Variants in SCGB2B2 observed in about 807,000 individuals in gnomAD.
SCGB2B2 encodes the protein secretoglobin family 2B member 2.
A neutral mutation model predicts 7.6 loss-of-function variants in SCGB2B2; 11 were observed. That is an observed-to-expected ratio of 1.45 (90% CI 0.91 to 2.40). SCGB2B2 has a LOEUF of 2.40. Ranked by LOEUF, SCGB2B2 falls within the 30% of genes most tolerant of loss-of-function variation. The pLI is 0.00. For synonymous variants in SCGB2B2, 50 were observed against 48.6 expected, an observed-to-expected ratio of 1.03 and a Z score of -0.12; for missense variants, 104 against 115.4, an observed-to-expected ratio of 0.90 and a Z score of 0.45.
chr19:34,607,306 T>C (rs561758787), intron 1 of SCGB2B2, among the ~76,000 whole-genome samples: 2 of 152,200 alleles, frequency 1.3e-5, no homozygotes, highest in South Asian at 4.1e-4. Context: ...GACAGACAGA[T>C]AGATAGCTTT....
chr19:34,607,225 C>T (rs892000105), intron 1 of SCGB2B2, among the ~76,000 whole-genome samples: 1 of 152,194 alleles, frequency 6.6e-6, no homozygotes. Context: ...CAGGATTTCT[C>T]TCTTTTTTAA....
chr19:34,601,524 T>G (rs1461846053), intron 1 of SCGB2B2, among the ~76,000 whole-genome samples: 2 of 152,242 alleles, frequency 1.3e-5, no homozygotes, highest in Non-Finnish European at 2.9e-5. Context: ...TTTTTACCTA[T>G]GTATCTCTGT....
chr19:34,611,207 TTTC>T (rs35056761), intron 1 of SCGB2B2, among the ~76,000 whole-genome samples: 47,737 of 151,872 alleles, frequency 0.31, 8,301 homozygotes, highest in Middle Eastern at 0.47. Context: ...TTGTGCCTTT[TTTC>T]TTGTTTCATA....
intron 1 of SCGB2B2, chr19:34,608,751 T>TAGTGCTGCAATAAATGAG (rs988807093): frequency 1.3e-5 from 2 of 148,594 alleles, no homozygotes; most frequent in Non-Finnish European, 3.0e-5. Flanking sequence ...TGGCTGTGAA[T>TAGTGCTGCAATAAATGAG]AGTGCTGCAA....
At chr19:34,672,299 C>T (rs1199192983) in intron 1 of SCGB2B2, among the ~76,000 whole-genome samples, 2 of 150,692 alleles carry the variant, frequency 1.3e-5, no homozygotes, top group African/African-American at 4.9e-5. Context: ...ATTGGTTTTA[C>T]TCGTTTTTCT....
intron 1 of SCGB2B2, among the ~76,000 whole-genome samples, chr19:34,645,150 A>G (rs1349057011): frequency 1.3e-5 from 2 of 152,182 alleles, no homozygotes; most frequent in Non-Finnish European, 2.9e-5. Flanking sequence ...AAGGGACAAT[A>G]AACGCACAGG....
Position 34,641,604 on chromosome 19 carries a change from C to T in SCGB2B2, c.-2032+34026G>A, listed in dbSNP as rs573791289. 2.0e-5 allele frequency among the ~76,000 whole-genome samples: 3 copies of T among 152,050 alleles called. No individual in the cohort carries two copies. In the South Asian group the frequency reaches 6.2e-4, roughly 32 times the overall value. On this transcript the variant is annotated intron_variant, in intron 1 of 3. Coordinates refer to ENST00000601241, the MANE Select transcript of SCGB2B2 (RefSeq NM_001025591.4). Reference sequence around the variant, plus strand: ...AAGGTCGTTTGCCAGATGGCTATAACTTCTCTTTATGCTCAAAGATCTTGA... The same window carrying T: ...AAGGTCGTTTGCCAGATGGCTATAATTTCTCTTTATGCTCAAAGATCTTGA...
At chr19:34,668,689 C>T (rs2067710278) in intron 1 of SCGB2B2, among the ~76,000 whole-genome samples, 1 of 151,912 alleles carries the variant, frequency 6.6e-6, no homozygotes, top group Non-Finnish European at 1.5e-5. Context: ...GTGTCTAGCT[C>T]AGGGTTTGTG....
At position 34,592,474 on chromosome 19, in the gene SCGB2B2, T is replaced by C. The variant is rs530437909; in HGVS notation, c.*1081A>G. 6.6e-6 allele frequency among the ~76,000 whole-genome samples: 1 copy of C among 152,054 alleles called. No individual in the cohort carries two copies. Among genetic ancestry groups the C allele is most frequent in the South Asian group, 2.1e-4 (1 of 4,804 alleles). On this transcript the variant is annotated 3_prime_UTR_variant, in exon 4 of 4. Transcript: ENST00000601241. ...GGGACAGGGTTTGGAGGGTGTCATC[T>C]GAGAGACACCTGGGTGGGAGGGAGA...
intron 1 of SCGB2B2, chr19:34,645,693 T>C (rs1600063057): frequency 2.4e-6 from 1 of 424,422 alleles, no homozygotes; most frequent in South Asian, 2.0e-5. Flanking sequence ...TGTGCTCTTC[T>C]GCTGGCTCTA....
chr19:34,652,708 A>C (rs568599210), intron 1 of SCGB2B2, among the ~76,000 whole-genome samples: 1 of 151,502 alleles, frequency 6.6e-6, no homozygotes, highest in East Asian at 1.9e-4. Context: ...AAAAGATACC[A>C]AACGCTGGTG....
intron 1 of SCGB2B2, among the ~76,000 whole-genome samples, chr19:34,613,353 C>A (rs2065987215): frequency 6.6e-6 from 1 of 152,204 alleles, no homozygotes; most frequent in Non-Finnish European, 1.5e-5. Context: ...TCCCCCTTGG[C>A]CTCCCAAAGT....
downstream of SCGB2B2, among the ~76,000 whole-genome samples, chr19:34,588,289 T>G (rs769010702): frequency 1.5e-4 from 23 of 152,346 alleles, no homozygotes; most frequent in Non-Finnish European, 2.2e-4. Flanking sequence ...ACATTTCTGC[T>G]AGGTTTTCAA....
intron 1 of SCGB2B2, among the ~76,000 whole-genome samples, chr19:34,638,726 G>A (rs966860618): frequency 1.3e-5 from 2 of 152,074 alleles, no homozygotes; most frequent in Non-Finnish European, 2.9e-5. Flanking sequence ...AAGGTTTAAT[G>A]CCAAAATATA....
At chr19:34,619,109 A>G (rs2066170925) in intron 1 of SCGB2B2, among the ~76,000 whole-genome samples, 1 of 152,186 alleles carries the variant, frequency 6.6e-6, no homozygotes, top group Non-Finnish European at 1.5e-5. Context: ...TAAATCCATT[A>G]AAGTTTCTAT....
intron 1 of SCGB2B2, among the ~76,000 whole-genome samples, chr19:34,648,731 T>C (rs543865793): frequency 2.6e-5 from 4 of 151,560 alleles, no homozygotes; most frequent in Non-Finnish European, 4.4e-5. Context: ...AGTTTTAATA[T>C]ATTACTCTTT....
intron 1 of SCGB2B2, among the ~76,000 whole-genome samples, chr19:34,619,488 CATGAAGTGTCTCCA>C (rs2066182017): frequency 6.6e-6 from 1 of 152,118 alleles, no homozygotes; most frequent in Non-Finnish European, 1.5e-5. Flanking sequence ...ACCTTGGATG[CATGAAGTGTCTCCA>C]AAGAGATGGC....
intron 1 of SCGB2B2, among the ~76,000 whole-genome samples, chr19:34,637,016 C>G (rs550954978): frequency 1.3e-5 from 2 of 152,196 alleles, no homozygotes; most frequent in Non-Finnish European, 2.9e-5. Flanking sequence ...GGAAAGAAAA[C>G]TAGTATTACA....
At chr19:34,640,010 G>C (rs1174195669) in intron 1 of SCGB2B2, among the ~76,000 whole-genome samples, 1 of 152,048 alleles carries the variant, frequency 6.6e-6, no homozygotes, top group Non-Finnish European at 1.5e-5. Flanking sequence ...GGAAAATCTT[G>C]GACTTTATGG....
Sources: allele counts gnomAD v4.1 joint callset (sites outside exome capture counted in the v4.1 genomes callset), GRCh38; gene constraint gnomAD v4.1.1; transcripts MANE v1.5; gene names NCBI Gene and HGNC (gene_info 2026-07-23, HGNC 2026-07-21).